GALNT13: variants seen among roughly 807,000 people sequenced by gnomAD.
GALNT13 encodes the protein polypeptide N-acetylgalactosaminyltransferase 13.
GALNT13 carries 28 observed loss-of-function variants against 64.2 expected under a neutral mutation model. The observed-to-expected ratio is 0.44, with a 90% CI of 0.32 to 0.60. The LOEUF (loss-of-function observed/expected upper bound fraction) is 0.60, where lower values mean the gene tolerates loss of function less well. Among genes scored for constraint, GALNT13 ranks in the 20% least tolerant of loss-of-function variants. The pLI is 0.05. For synonymous variants in GALNT13, 214 were observed against 224.6 expected (o/e 0.95, Z 0.42); for missense variants, 577 against 669.8 (o/e 0.86, Z 1.53).
chr2:153,328,321 C>T, the GALNT13 span, among the ~76,000 whole-genome samples: 1 of 152,060 alleles, frequency 6.6e-6, no homozygotes, highest in South Asian at 2.1e-4. Context: ...CTTAGCAGAC[C>T]TGCAGTGCTG....
At chr2:153,768,281 A>G in the GALNT13 span, among the ~76,000 whole-genome samples, 3 of 152,168 alleles carry the variant, frequency 2.0e-5, no homozygotes, top group Non-Finnish European at 4.4e-5. Flanking sequence ...ATTGGATGCA[A>G]TGTTCCATAA....
intron 12 of GALNT13, among the ~76,000 whole-genome samples, chr2:154,444,397 A>G (rs1701460362): frequency 6.6e-6 from 1 of 152,098 alleles, no homozygotes; most frequent in South Asian, 2.1e-4. Context: ...AATAAAAATC[A>G]TTTTATGTGT....
rs1417931589 is a variant in GALNT13, at chr2:154,133,547, T to A, written c.143-6790T>A. On this transcript the variant is annotated intron_variant, in intron 3 of 12. Coordinates refer to ENST00000392825, the MANE Select transcript of GALNT13 (RefSeq NM_052917.4). ...TAACAGACCATTTTATATATATATA[T>A]ATATATATATATATATATATATATA... 2.4e-3 allele frequency among the ~76,000 whole-genome samples: 50 copies of A among 21,074 alleles called. 2 individuals are homozygous for A. Among genetic ancestry groups the A allele is most frequent in the African/African-American group, 4.9e-3 (39 of 7,896 alleles). The allele number at this position is 21,074 out of a possible 152,430, so 13.8% of individuals were successfully genotyped here. A position where few individuals can be genotyped will look rare whatever the true frequency, so the allele number is the denominator to read the frequency against.
At chr2:153,345,247 A>G in the GALNT13 span, among the ~76,000 whole-genome samples, 52 of 152,302 alleles carry the variant, frequency 3.4e-4, no homozygotes, top group African/African-American at 1.1e-3. Context: ...ATTGTAGTCT[A>G]GCAACAGTGG....
chr2:154,268,395 G>A (rs1559058169), intron 8 of GALNT13, among the ~76,000 whole-genome samples: 1 of 152,106 alleles, frequency 6.6e-6, no homozygotes, highest in Non-Finnish European at 1.5e-5. Flanking sequence ...AACTTGTCTG[G>A]GGACATGAGA....
chr2:154,143,509 T>G (rs1198387737), intron 4 of GALNT13, among the ~76,000 whole-genome samples: 1 of 151,620 alleles, frequency 6.6e-6, no homozygotes, highest in African/African-American at 2.4e-5. Context: ...AAAAAATAAG[T>G]CTTCACTGAG....
chr2:153,258,069 C>T, the GALNT13 span, among the ~76,000 whole-genome samples: 1 of 152,226 alleles, frequency 6.6e-6, no homozygotes, highest in South Asian at 2.1e-4. Flanking sequence ...TTTGAGGGTA[C>T]AAACCTATGG....
intron 1 of GALNT13, among the ~76,000 whole-genome samples, chr2:153,887,054 A>T (rs1687230092): frequency 6.6e-6 from 1 of 151,950 alleles, no homozygotes; most frequent in Admixed American, 6.6e-5. Flanking sequence ...TTTAAAATGG[A>T]GATAATAGTC....
At chr2:154,107,607 A>G (rs1702695703) in intron 3 of GALNT13, among the ~76,000 whole-genome samples, 1 of 151,740 alleles carries the variant, frequency 6.6e-6, no homozygotes, top group Admixed American at 6.6e-5. Context: ...AAAAAAAAGA[A>G]AGAAAAGAAA....
the GALNT13 span, among the ~76,000 whole-genome samples, chr2:153,135,509 A>T: frequency 6.6e-6 from 1 of 152,136 alleles, no homozygotes; most frequent in Non-Finnish European, 1.5e-5. Flanking sequence ...AGTATGGCTA[A>T]CTACTTTATC....
At chr2:153,625,648 T>C in the GALNT13 span, among the ~76,000 whole-genome samples, 1 of 152,154 alleles carries the variant, frequency 6.6e-6, no homozygotes, top group Non-Finnish European at 1.5e-5. Flanking sequence ...AAGAAGTTCT[T>C]TCTTTTCTAT....
intron 11 of GALNT13, among the ~76,000 whole-genome samples, chr2:154,417,509 A>AT (rs1202687837): frequency 7.5e-6 from 1 of 133,402 alleles, no homozygotes; most frequent in African/African-American, 3.1e-5. Context: ...TTATTTATTT[A>AT]TTTATTTATT....
At chr2:153,427,388 G>A in the GALNT13 span, among the ~76,000 whole-genome samples, 2 of 152,092 alleles carry the variant, frequency 1.3e-5, no homozygotes, top group African/African-American at 2.4e-5. Flanking sequence ...AGAAGTTTAG[G>A]ATGTAAGAGA....
chr2:153,307,667 C>T, the GALNT13 span, among the ~76,000 whole-genome samples: 5 of 151,798 alleles, frequency 3.3e-5, no homozygotes, highest in Non-Finnish European at 7.4e-5. Flanking sequence ...GATATATGTA[C>T]ACAGATGGAA....
chr2:153,463,432 C>G, the GALNT13 span, among the ~76,000 whole-genome samples: 1 of 152,122 alleles, frequency 6.6e-6, no homozygotes, highest in South Asian at 2.1e-4. Flanking sequence ...TTTGTAAATA[C>G]AGGGAGAAGC....
intron 4 of GALNT13, among the ~76,000 whole-genome samples, chr2:154,155,215 A>G (rs7577682): frequency 0.049 from 7,508 of 152,122 alleles, 363 homozygotes; most frequent in African/African-American, 0.12. Flanking sequence ...TATGAAATCA[A>G]TGCTGCCTTT....
At chr2:153,512,060 G>A in the GALNT13 span, among the ~76,000 whole-genome samples, 1 of 152,078 alleles carries the variant, frequency 6.6e-6, no homozygotes, top group Non-Finnish European at 1.5e-5. Context: ...GATATGATAG[G>A]GTCAGGGTCA....
At chr2:153,569,107 T>G in the GALNT13 span, among the ~76,000 whole-genome samples, 6 of 152,256 alleles carry the variant, frequency 3.9e-5, no homozygotes, top group South Asian at 2.1e-4. Flanking sequence ...TAGGTTTTTT[T>G]GGGGGGTACA....
intron 9 of GALNT13, among the ~76,000 whole-genome samples, chr2:154,363,462 C>G (rs1445745087): frequency 2.0e-5 from 3 of 152,142 alleles, no homozygotes; most frequent in African/African-American, 7.2e-5. Context: ...CTCCATCAAT[C>G]CATCAGCTAA....
Sources: gnomAD v4.1 joint callset for allele counts (sites outside exome capture counted in the v4.1 genomes callset) on GRCh38, gnomAD v4.1.1 for gene constraint, MANE v1.5 for transcripts, NCBI Gene and HGNC (gene_info 2026-07-23, HGNC 2026-07-21) for gene names.